The following SYNJ1 variants were observed in gnomAD, a reference collection of about 807,000 sequenced individuals.
SYNJ1 encodes polyphosphatidylinositol phosphatase SYNJ1.
In SYNJ1, 78 loss-of-function variants were observed where a neutral mutation model predicts 168.2. The ratio of observed to expected loss-of-function variants is 0.46; its 90% CI spans 0.39 to 0.56. The LOEUF is 0.56. SYNJ1 is among the 20% of genes least tolerant of loss of function. The pLI, the probability that SYNJ1 is intolerant of heterozygous loss-of-function variation, is 0.00. For missense variants in SYNJ1, 1,303 were observed against 1,597.6 expected, an observed-to-expected ratio of 0.82 and a Z score of 3.14; for synonymous variants, 539 against 548.6, an observed-to-expected ratio of 0.98 and a Z score of 0.24.
chr21:32,672,410 G>A (rs1054189441), intron 14 of SYNJ1, among the ~76,000 whole-genome samples: 5 of 151,148 alleles, frequency 3.3e-5, no homozygotes, highest in Admixed American at 1.3e-4. Flanking sequence ...TGGGATCTCC[G>A]CTCACTGCAA....
chr21:32,647,498 T>G (rs531284275), intron 23 of SYNJ1, among the ~76,000 whole-genome samples: 1 of 152,316 alleles, frequency 6.6e-6, no homozygotes, highest in East Asian at 1.9e-4. Context: ...AATAATAAAC[T>G]CAAAAGCTTC....
intron 6 of SYNJ1, among the ~76,000 whole-genome samples, chr21:32,689,312 G>C (rs1003651235): frequency 1.3e-5 from 2 of 151,912 alleles, no homozygotes; most frequent in South Asian, 2.1e-4. Flanking sequence ...GCTTTTTTTT[G>C]TGGGGGACGG....
chr21:32,685,451 A>G (rs560771606), intron 9 of SYNJ1, among the ~76,000 whole-genome samples: 17 of 138,164 alleles, frequency 1.2e-4, no homozygotes, highest in Admixed American at 4.3e-4. Context: ...AAAAAAAAAT[A>G]AGCCAGGCAT....
intron 2 of SYNJ1, among the ~76,000 whole-genome samples, chr21:32,712,061 T>C (rs1022523247): frequency 1.2e-4 from 19 of 152,230 alleles, no homozygotes; most frequent in African/African-American, 4.6e-4. Flanking sequence ...TACTATCCAA[T>C]GTCAACATTC....
At chr21:32,647,993 A>G (rs537511635) in intron 23 of SYNJ1, among the ~76,000 whole-genome samples, 13 of 152,142 alleles carry the variant, frequency 8.5e-5, no homozygotes, top group African/African-American at 3.1e-4. Flanking sequence ...CACTTCACAG[A>G]GAAGAGGGAA....
In SYNJ1 at chr21:32,709,497, A is replaced by G. The variant is rs866076667; in HGVS notation, c.125-7450T>C. On this transcript the variant is annotated intron_variant, in intron 2 of 32. Transcript: ENST00000674351. Reference sequence around the variant, plus strand: ...TGTCTCAAAAAAAAAAAAAAAAAAAAAAAAGAAAGAGATTTTATGGAGTGT... The same window carrying G: ...TGTCTCAAAAAAAAAAAAAAAAAAAGAAAAGAAAGAGATTTTATGGAGTGT... 1.8e-3 allele frequency among the ~76,000 whole-genome samples: 272 copies of G among 148,912 alleles called. 1 individual carries two copies. Among genetic ancestry groups the G allele is most frequent in the African/African-American group, 6.5e-3 (260 of 39,830 alleles).
chr21:32,719,667 C>T (rs1292920550), intron 2 of SYNJ1, among the ~76,000 whole-genome samples: 1 of 150,656 alleles, frequency 6.6e-6, no homozygotes, highest in Non-Finnish European at 1.5e-5. Flanking sequence ...GAGCCGAGAC[C>T]GTGCCATTGC....
chr21:32,671,126 T>G (rs1278602333), intron 14 of SYNJ1, among the ~76,000 whole-genome samples: 1 of 151,820 alleles, frequency 6.6e-6, no homozygotes, highest in African/African-American at 2.4e-5. Flanking sequence ...CTGGGCAACA[T>G]AGTGAGACCC....
intron 2 of SYNJ1, among the ~76,000 whole-genome samples, chr21:32,710,683 C>T (rs2042799108): frequency 6.6e-6 from 1 of 152,230 alleles, no homozygotes; most frequent in South Asian, 2.1e-4. Flanking sequence ...AGCCATTGCA[C>T]CTGATTGATT....
chr21:32,665,110 C>A, intron 17 of SYNJ1, 39 bp from the exon 18 acceptor site: 6 of 1,553,676 alleles, frequency 3.9e-6, no homozygotes, highest in Admixed American at 1.9e-5. Flanking sequence ...TCAAAACAAT[C>A]AATGTTCAAA....
intron 12 of SYNJ1, among the ~76,000 whole-genome samples, chr21:32,677,051 T>C (rs1010862846): frequency 3.9e-5 from 6 of 152,198 alleles, no homozygotes; most frequent in African/African-American, 7.2e-5. Flanking sequence ...GAAATGGGCA[T>C]CAGGCAGAGT....
chr21:32,652,604 TAG>T (rs1428385002), intron 22 of SYNJ1, among the ~76,000 whole-genome samples: 4 of 152,238 alleles, frequency 2.6e-5, no homozygotes, highest in Non-Finnish European at 5.9e-5. Context: ...GAATCAGGCC[TAG>T]AGTACAATCC....
chr21:32,709,327 A>G (rs2042730934), intron 2 of SYNJ1, among the ~76,000 whole-genome samples: 1 of 151,840 alleles, frequency 6.6e-6, no homozygotes, highest in Admixed American at 6.6e-5. Flanking sequence ...AAATACAAAA[A>G]TTAGCAGGGC....
At chr21:32,687,960 TA>T (rs930938420) in intron 7 of SYNJ1, among the ~76,000 whole-genome samples, 2 of 152,096 alleles carry the variant, frequency 1.3e-5, no homozygotes, top group African/African-American at 4.8e-5. Flanking sequence ...CATTCTTTTT[TA>T]TTTTTTAAGG....
At chr21:32,692,356 C>T (rs1036317345) in intron 6 of SYNJ1, among the ~76,000 whole-genome samples, 1 of 151,798 alleles carries the variant, frequency 6.6e-6, no homozygotes, top group African/African-American at 2.4e-5. Flanking sequence ...GCAGGTGGAT[C>T]ACCTGAGATC....
chr21:32,632,179 T>C (rs1457083761), intron 32 of SYNJ1, among the ~76,000 whole-genome samples: 1 of 152,254 alleles, frequency 6.6e-6, no homozygotes, highest in African/African-American at 2.4e-5. Context: ...ATGCTAAATC[T>C]ATATAAATAA....
chr21:32,642,599 A>G (rs888389798), intron 27 of SYNJ1, among the ~76,000 whole-genome samples: 13 of 152,228 alleles, frequency 8.5e-5, no homozygotes, highest in African/African-American at 3.1e-4. Flanking sequence ...CACGCTGTAG[A>G]TGTCACTGTG....
At position 32,629,378 on chromosome 21, in the gene SYNJ1, C is replaced by CA. The variant is rs1214655782; in HGVS notation, c.*2426dup. 1 of 152,580 alleles carries CA rather than the reference C, an allele frequency of 6.6e-6. No homozygotes were observed. Among genetic ancestry groups the CA allele is most frequent in the Non-Finnish European group, 1.5e-5 (1 of 68,016 alleles). 9.5% of individuals were successfully genotyped at this position (152,580 alleles called of 1,614,324 possible). A position where few individuals can be genotyped will look rare whatever the true frequency, so the allele number is the denominator to read the frequency against. ...TCCAAAAAGCACAATATAAAACTCA[C>CA]AAGAGTTATTTCTAACAGCAAATCT... On this transcript the variant is annotated 3_prime_UTR_variant, in exon 33 of 33. Coordinates refer to ENST00000674351, the MANE Select transcript of SYNJ1 (RefSeq NM_203446.3).
At chr21:32,653,463 G>A (rs2040348377) in intron 21 of SYNJ1, 97 bp from the exon 22 acceptor site, 1 of 981,576 alleles carries the variant, frequency 1.0e-6, no homozygotes, top group Admixed American at 2.2e-5. Context: ...AGGGCCACAA[G>A]AGGCCAGGAA....
Sources: allele counts gnomAD v4.1 joint callset (sites outside exome capture counted in the v4.1 genomes callset), GRCh38; gene constraint gnomAD v4.1.1; transcripts MANE v1.5; gene names NCBI Gene and HGNC (gene_info 2026-07-23, HGNC 2026-07-21).